Variants in NEK4 observed in about 807,000 individuals in gnomAD.
NEK4 encodes NIMA related kinase 4, also known as serine/threonine-protein kinase Nek4.
In NEK4, 86 loss-of-function variants were observed where a neutral mutation model predicts 98.4. The ratio of observed to expected loss-of-function variants is 0.87; its 90% confidence interval spans 0.73 to 1.05. The LOEUF is 1.05. NEK4 is among the 50% of genes least tolerant of loss of function. NEK4 has a pLI of 0.00. For missense variants in NEK4, 898 were observed against 950.3 expected (o/e 0.94, Z 0.72); for synonymous variants, 328 against 342.2 (o/e 0.96, Z 0.46).
intron 15 of NEK4, among the ~76,000 whole-genome samples, chr3:52,734,195 C>G (rs568952040): frequency 1.3e-5 from 2 of 151,920 alleles, no homozygotes; most frequent in African/African-American, 4.8e-5. Context: ...GCCTGTAATC[C>G]CAGCATTTTG....
chr3:52,746,653 C>G (rs1057165918), intron 9 of NEK4, 81 bp downstream of exon 9: 4 of 1,289,958 alleles, frequency 3.1e-6, no homozygotes, highest in Middle Eastern at 2.6e-4. Context: ...TCTTACATGC[C>G]TTTTTGGCAA....
At chr3:52,763,381 A>C (rs891814812) in intron 5 of NEK4, 89 bp downstream of exon 5, 2 of 1,272,598 alleles carry the variant, frequency 1.6e-6, no homozygotes, top group Non-Finnish European at 2.2e-6. Flanking sequence ...AAGAAAACTC[A>C]CCATTAATTC....
At chr3:52,749,621 G>A in intron 8 of NEK4, 71 bp downstream of exon 8, 1 of 181,512 alleles carries the variant, frequency 5.5e-6, no homozygotes, top group Non-Finnish European at 1.2e-5. Flanking sequence ...ATCACTTGAG[G>A]TCAGAAGTTC....
chr3:52,762,329 T>C (rs1207907539), intron 5 of NEK4, among the ~76,000 whole-genome samples: 3 of 152,180 alleles, frequency 2.0e-5, no homozygotes, highest in African/African-American at 7.2e-5. Flanking sequence ...TCTCAGATAA[T>C]CTCTAATTAT....
At chr3:52,732,681 G>A (rs764636) in intron 15 of NEK4, 17,384 of 311,662 alleles carry the variant, frequency 0.056, 1,808 homozygotes, top group African/African-American at 0.28. Flanking sequence ...ACAGGGAAGT[G>A]ATGTAGGAGA....
At chr3:52,746,565 C>G (rs1392963198) in intron 9 of NEK4, among the ~76,000 whole-genome samples, 169 bp downstream of exon 9, 1 of 152,220 alleles carries the variant, frequency 6.6e-6, no homozygotes, top group Non-Finnish European at 1.5e-5. Flanking sequence ...CCTTACTCTG[C>G]TTCGAACTCA....
intron 15 of NEK4, among the ~76,000 whole-genome samples, chr3:52,720,037 C>T (rs2097358652): frequency 6.6e-6 from 1 of 152,182 alleles, no homozygotes; most frequent in African/African-American, 2.4e-5. Flanking sequence ...AATCCCAGCA[C>T]TTTGGGAGGC....
chr3:52,750,783 A>G (rs2097403615), intron 7 of NEK4, among the ~76,000 whole-genome samples: 1 of 129,740 alleles, frequency 7.7e-6, no homozygotes, highest in African/African-American at 2.6e-5. Flanking sequence ...AGAAATAGAA[A>G]TAAAAAAATT....
chr3:52,766,207 A>G lies in NEK4; in HGVS notation c.529T>C (p.Leu177=). 2 of 1,614,182 alleles carry G rather than the reference A, an allele frequency of 1.2e-6. No homozygotes were observed. Among genetic ancestry groups the G allele is most frequent in the Non-Finnish European group, 1.7e-6 (2 of 1,180,022 alleles). Reference sequence around the variant, plus strand: ...TAGTTGTAGGGTTTGTTTGAGAACAATTCAGGGCTCATGTAGTAGGGTGTG... The same window carrying G: ...TAGTTGTAGGGTTTGTTTGAGAACAGTTCAGGGCTCATGTAGTAGGGTGTG... ...IGTPYYMSPE[L]FSNKPYNYKS... is the part of the protein sequence containing the mutation. The change falls in exon 3 of 16, where the codon TTG becomes CTG. Residue 177 remains leucine (L), a synonymous_variant. Coordinates refer to ENST00000233027, the MANE Select transcript of NEK4 (RefSeq NM_003157.6).
At chr3:52,759,374 C>T (rs1375639528) in intron 6 of NEK4, among the ~76,000 whole-genome samples, 2 of 150,308 alleles carry the variant, frequency 1.3e-5, no homozygotes, top group African/African-American at 4.9e-5. Context: ...GCACTCCAGC[C>T]TAGGCAACAG....
Position 52,742,711 on chromosome 3 carries a change from G to A in NEK4, c.2004+641C>T, listed in dbSNP as rs115718561. ...GACTCAAATCTGGCGACACAGATGG[G>A]TATGTTGGTATCACAGCAGATTGAG... On this transcript the variant is annotated intron_variant, in intron 12 of 15. Transcript: ENST00000233027. Among the ~76,000 whole-genome samples, 788 of 152,332 alleles carry A rather than the reference G, an allele frequency of 5.2e-3. 9 individuals are homozygous for A. The highest frequency in any genetic ancestry group is 0.018 in the African/African-American group (753 of 41,576).
At chr3:52,755,847 A>C (rs2097414298) in intron 6 of NEK4, among the ~76,000 whole-genome samples, 2 of 152,238 alleles carry the variant, frequency 1.3e-5, no homozygotes, top group African/African-American at 4.8e-5. Flanking sequence ...GCAAGGTAGC[A>C]AGAGGCAAAG....
Position 52,741,498 on chromosome 3 carries a change from T to C in NEK4, c.2006A>G (p.Glu669Gly). 1 of 1,588,384 alleles carries C rather than the reference T, an allele frequency of 6.3e-7. No individual in the cohort carries two copies. The highest frequency in any genetic ancestry group is 1.1e-5 in the South Asian group (1 of 90,186). Residue 669 changes from glutamate (E) to glycine (G), a missense_variant and splice_region_variant, in exon 13 of 16, where the codon GAA (glutamate) becomes GGA (glycine). By Grantham distance (98) the Glu-to-Gly change is moderately conservative (BLOSUM62 -2). Transcript: ENST00000233027. ...AGACAGACAATGAATCTGTTTCCTTTCCTATTAAATGTTTGGAAGAATTAA... is the reference window on the plus strand; with the variant it reads ...AGACAGACAATGAATCTGTTTCCTTCCCTATTAAATGTTTGGAAGAATTAA... ...RLSSDCSVTQ[E>G]RKQIHCLSED...
chr3:52,737,734 C>T lies in NEK4; in HGVS notation c.2300-15G>A, dbSNP rs373502727. On this transcript the variant is annotated splice_polypyrimidine_tract_variant and intron_variant, in intron 14 of 15. Coordinates refer to ENST00000233027, the MANE Select transcript of NEK4 (RefSeq NM_003157.6). ...TGGCATAATAGCTAAAAGGCAACAACAAAGACAAAGGGAAAAATAAACACT... is the reference window on the plus strand; with the variant it reads ...TGGCATAATAGCTAAAAGGCAACAATAAAGACAAAGGGAAAAATAAACACT... 232 of 1,588,932 alleles carry T rather than the reference C, an allele frequency of 1.5e-4. No individual in the cohort carries two copies. The highest frequency in any genetic ancestry group is 1.9e-4 in the Non-Finnish European group (222 of 1,167,336).
intron 15 of NEK4, among the ~76,000 whole-genome samples, chr3:52,726,381 G>T (rs758243714): frequency 3.3e-5 from 5 of 151,160 alleles, no homozygotes; most frequent in Non-Finnish European, 7.4e-5. Flanking sequence ...GGTGAATCAC[G>T]AGCTCAGGAG....
In NEK4 at chr3:52,739,516, G is replaced by GT. The variant is rs2097382166; in HGVS notation, c.2211dup (p.Leu738ThrfsTer25). On this transcript the variant is annotated frameshift_variant, in exon 14 of 16. Transcript: ENST00000233027. LOFTEE classifies it high-confidence loss of function. ...AGTGTGTCCCGATATTTCCGATGAA[G>GT]TTTGAATTCTGACACTGGGTTTGCT... is the stretch of plus-strand genomic sequence containing the variant. The GT allele has an allele frequency of 9.9e-6, 16 of 1,614,048 alleles. No individual in the cohort carries two copies. The highest frequency in any genetic ancestry group is 1.4e-5 in the Non-Finnish European group (16 of 1,180,024).
At position 52,752,314 on chromosome 3, in the gene NEK4, T is replaced by C. The variant is rs1455796410; in HGVS notation, c.986A>G (p.Gln329Arg). The C allele has an allele frequency of 9.3e-6, 15 of 1,613,578 alleles. No individual in the cohort carries two copies. In the East Asian group the frequency reaches 2.9e-4, roughly 31 times the overall value. The change falls in exon 7 of 16, where the codon CAG (glutamine) becomes CGG (arginine). Residue 329 changes from glutamine to arginine, a missense_variant. Coordinates refer to ENST00000233027, the MANE Select transcript of NEK4 (RefSeq NM_003157.6). Reference sequence around the variant, plus strand: ...GAGACCAGAGGCCCTGGGTTTCTCCTGGGACAAACATTTGCCTTCACCCTG... The same window carrying C: ...GAGACCAGAGGCCCTGGGTTTCTCCCGGGACAAACATTTGCCTTCACCCTG... ...YIMGEGKCLSQEKPRASGLLK... is the reference protein window; with the variant it reads ...YIMGEGKCLSREKPRASGLLK...
intron 6 of NEK4, chr3:52,754,494 C>G: frequency 1.2e-6 from 1 of 830,834 alleles, no homozygotes; most frequent in Middle Eastern, 3.7e-4. Flanking sequence ...ACTCGTCTGT[C>G]TGACCAATTT....
At position 52,710,959 on chromosome 3, in the gene NEK4, A is replaced by G. The variant is rs1266461019; in HGVS notation, c.*818T>C. 6.6e-6 allele frequency: 1 copy of G among 152,666 alleles called. No individual in the cohort carries two copies. Among genetic ancestry groups the G allele is most frequent in the African/African-American group, 2.4e-5 (1 of 41,466 alleles). The allele number at this position is 152,666 out of a possible 1,614,324, so 9.5% of individuals were successfully genotyped here. ...CATTTAAAACATGGAAAGACAACTA[A>G]TATCTTACAGTACATGAAGACAAAC... On this transcript the variant is annotated 3_prime_UTR_variant, in exon 16 of 16. Transcript: ENST00000233027.
Sources: allele counts gnomAD v4.1 joint callset (sites outside exome capture counted in the v4.1 genomes callset), GRCh38; gene constraint gnomAD v4.1.1; transcripts MANE v1.5; gene names NCBI Gene and HGNC (gene_info 2026-07-23, HGNC 2026-07-21).